Variants in GDPD1 observed in about 807,000 individuals in gnomAD.
GDPD1 encodes glycerophosphodiester phosphodiesterase domain containing 1.
In GDPD1, 28 loss-of-function variants were observed where a neutral mutation model predicts 45.1. The observed-to-expected ratio is 0.62, with a 90% CI of 0.46 to 0.85. The LOEUF (loss-of-function observed/expected upper bound fraction) is 0.85. Ranked by LOEUF, GDPD1 falls within the 40% of genes least tolerant of loss-of-function variation. The probability of loss-of-function intolerance (pLI) is 0.00; values close to 1 mark genes in which losing one functional copy is unlikely to be tolerated. For synonymous variants in GDPD1, 139 were observed against 131.4 expected (o/e 1.06, Z -0.40); for missense variants, 256 against 364.8 (o/e 0.70, Z 2.43).
At chr17:59,271,950 A>G (rs565640011) in intron 8 of GDPD1, among the ~76,000 whole-genome samples, 33 of 152,046 alleles carry the variant, frequency 2.2e-4, no homozygotes, top group African/African-American at 8.0e-4. Context: ...GCCTTTTTCA[A>G]AGAGTCTTAA....
chr17:59,232,895 AT>A (rs547283574), intron 1 of GDPD1, among the ~76,000 whole-genome samples: 15 of 150,718 alleles, frequency 1.0e-4, no homozygotes, highest in South Asian at 8.4e-4. Context: ...TAAAAAAAAA[AT>A]AACAGTGTAT....
intron 1 of GDPD1, among the ~76,000 whole-genome samples, chr17:59,221,248 C>G (rs9911709): frequency 0.052 from 7,860 of 151,884 alleles, 382 homozygotes; most frequent in African/African-American, 0.11. Flanking sequence ...AACCCCTTGT[C>G]TGCGGTGCTG....
At chr17:59,265,778 G>A (rs1232938257) in intron 6 of GDPD1, among the ~76,000 whole-genome samples, 1 of 151,060 alleles carries the variant, frequency 6.6e-6, no homozygotes, top group Non-Finnish European at 1.5e-5. Context: ...GCACACACCT[G>A]TAGTCCCATC....
chr17:59,275,195 C>T lies in GDPD1; in HGVS notation c.*1422C>T. 6.5e-7 allele frequency: 1 copy of T among 1,536,746 alleles called. No individual in the cohort carries two copies. Among genetic ancestry groups the T allele is most frequent in the Non-Finnish European group, 8.7e-7 (1 of 1,146,346 alleles). ...GCTATTTGGTAGTGTCTTGTTATTT[C>T]TAGGTGTACCTTAGTTAAAGAGGAA... On this transcript the variant is annotated 3_prime_UTR_variant, in exon 10 of 10. Coordinates refer to ENST00000284116, the MANE Select transcript of GDPD1 (RefSeq NM_182569.4).
At chr17:59,231,005 T>C (rs2047084966) in intron 1 of GDPD1, among the ~76,000 whole-genome samples, 1 of 152,184 alleles carries the variant, frequency 6.6e-6, no homozygotes, top group Non-Finnish European at 1.5e-5. Context: ...CCTTCCTCAC[T>C]GTCTTCAAGG....
chr17:59,246,506 C>T (rs1170400728), intron 3 of GDPD1, among the ~76,000 whole-genome samples: 3 of 151,608 alleles, frequency 2.0e-5, no homozygotes, highest in South Asian at 2.1e-4. Context: ...GTCAGGAGTT[C>T]GGGACCGCCC....
intron 1 of GDPD1, among the ~76,000 whole-genome samples, chr17:59,228,210 G>C: frequency 6.8e-6 from 1 of 147,494 alleles, no homozygotes; most frequent in South Asian, 2.2e-4. Context: ...AAATACAGCA[G>C]TTTAAATATT....
intron 6 of GDPD1, chr17:59,260,813 C>T (rs981883820): frequency 3.9e-5 from 6 of 152,142 alleles, no homozygotes; most frequent in Non-Finnish European, 7.3e-5. Context: ...TTCTTTATTT[C>T]TCCACTCCCA....
intron 4 of GDPD1, among the ~76,000 whole-genome samples, chr17:59,256,751 T>G (rs939528448): frequency 6.6e-6 from 1 of 152,174 alleles, no homozygotes; most frequent in Non-Finnish European, 1.5e-5. Flanking sequence ...AAAGGGTACA[T>G]GGACCCTATT....
At chr17:59,256,542 T>A (rs535257554) in intron 4 of GDPD1, among the ~76,000 whole-genome samples, 1 of 152,298 alleles carries the variant, frequency 6.6e-6, no homozygotes, top group South Asian at 2.1e-4. Context: ...ATAGCAAAAC[T>A]TTAGAAACAA....
At position 59,247,933 on chromosome 17, in the gene GDPD1, A is replaced by G. The variant is rs889048468; in HGVS notation, c.322-807A>G. Among the ~76,000 whole-genome samples the G allele has an allele frequency of 2.6e-5, 4 of 152,092 alleles. 1 individual carries two copies. The highest frequency in any genetic ancestry group is 6.8e-3 in the Middle Eastern group (2 of 294). Reference sequence around the variant, plus strand: ...GGGTGAGCCACTGCACCCAGCCTGCACTGAACAGCTTTATGCATAAAGATA... The same window carrying G: ...GGGTGAGCCACTGCACCCAGCCTGCGCTGAACAGCTTTATGCATAAAGATA... On this transcript the variant is annotated intron_variant, in intron 3 of 9. Transcript: ENST00000284116.
Position 59,235,044 on chromosome 17 carries a change from G to A in GDPD1, c.185+510G>A, listed in dbSNP as rs577679304. Among the ~76,000 whole-genome samples, 131 of 150,748 alleles carry A rather than the reference G, an allele frequency of 8.7e-4. 1 individual carries two copies. The highest frequency in any genetic ancestry group is 3.1e-3 in the African/African-American group (126 of 40,996). On this transcript the variant is annotated intron_variant, in intron 2 of 9. Coordinates refer to ENST00000284116, the MANE Select transcript of GDPD1 (RefSeq NM_182569.4). ...TAATTTCATATAAGTGTCTTTTAGA[G>A]CACCTCACAGAGAAGCAGCAGGAGA...
At chr17:59,234,738 A>C (rs1272369492) in intron 2 of GDPD1, among the ~76,000 whole-genome samples, 1 of 152,346 alleles carries the variant, frequency 6.6e-6, no homozygotes, top group African/African-American at 2.4e-5. Flanking sequence ...CTGAAAAAGC[A>C]GATGGGAGTT....
chr17:59,228,170 T>TAA (rs36140380), intron 1 of GDPD1, among the ~76,000 whole-genome samples: 25,695 of 91,152 alleles, frequency 0.28, 4,054 homozygotes, highest in African/African-American at 0.45. Context: ...AGACTCCATC[T>TAA]AAAAAAAAAA....
intron 3 of GDPD1, among the ~76,000 whole-genome samples, chr17:59,247,048 G>A (rs1194722561): frequency 1.3e-5 from 2 of 152,108 alleles, no homozygotes; most frequent in African/African-American, 2.4e-5. Flanking sequence ...GATTACAGGT[G>A]TGAGCCACCA....
intron 4 of GDPD1, among the ~76,000 whole-genome samples, chr17:59,252,708 AC>A (rs1306798196): frequency 6.7e-6 from 1 of 150,146 alleles, no homozygotes; most frequent in East Asian, 2.0e-4. Context: ...AAAAAAAAAT[AC>A]GCTGAATTGG....
At chr17:59,271,594 C>T (rs962647437) in intron 8 of GDPD1, among the ~76,000 whole-genome samples, 16 of 149,142 alleles carry the variant, frequency 1.1e-4, no homozygotes, top group Non-Finnish European at 1.5e-4. Flanking sequence ...TATTATTTAA[C>T]GCCTTTTCTT....
At chr17:59,258,547 A>C (rs983563397) in intron 6 of GDPD1, among the ~76,000 whole-genome samples, 1 of 152,146 alleles carries the variant, frequency 6.6e-6, no homozygotes, top group Admixed American at 6.5e-5. Flanking sequence ...TGTCTCAAAA[A>C]AAACAAACAA....
chr17:59,256,143 C>T (rs7218099), intron 4 of GDPD1, among the ~76,000 whole-genome samples: 42,174 of 151,376 alleles, frequency 0.28, 6,645 homozygotes, highest in African/African-American at 0.43. Flanking sequence ...AATGCAAAAC[C>T]CCATCTCTAC....
Sources: gnomAD v4.1 joint callset for allele counts (sites outside exome capture counted in the v4.1 genomes callset) on GRCh38, gnomAD v4.1.1 for gene constraint, MANE v1.5 for transcripts, NCBI Gene and HGNC (gene_info 2026-07-23, HGNC 2026-07-21) for gene names.